Variants in UNC13A observed in about 807,000 individuals in gnomAD.
UNC13A encodes protein unc-13 homolog A.
In UNC13A, 61 loss-of-function variants were observed where a neutral mutation model predicts 219.7. That is an observed-to-expected ratio of 0.28 (90% CI 0.23 to 0.34). The LOEUF (loss-of-function observed/expected upper bound fraction) is 0.34, where lower values mean the gene tolerates loss of function less well. Ranked by LOEUF, UNC13A falls within the 10% of genes least tolerant of loss-of-function variation. The pLI is 1.00. For missense variants in UNC13A, 1,476 were observed against 2,270.3 expected (o/e 0.65, Z 7.11); for synonymous variants, 920 against 884.6 (o/e 1.04, Z -0.71).
At chr19:17,634,994 C>A (rs1339868964) in intron 26 of UNC13A, among the ~76,000 whole-genome samples, 1 of 152,140 alleles carries the variant, frequency 6.6e-6, no homozygotes, top group African/African-American at 2.4e-5. Flanking sequence ...CCTCAGCCTC[C>A]CGAGTAGCTG....
In UNC13A at chr19:17,655,926, C is replaced by T. The variant is rs1773348261; in HGVS notation, c.1240G>A (p.Ala414Thr). ...GGCTCAGCCTCAGGGATCTGCTCAG[C>T]TGCAGGCACCTTGTCGGGCGTGGCT... ...KPATPDKVPA[A>T]EQIPEAEPPK... is the part of the protein sequence containing the mutation. The change falls in exon 10 of 44, where the codon GCT becomes ACT. Residue 414 changes from alanine (A) to threonine (T), a missense_variant. Coordinates refer to ENST00000519716, the MANE Select transcript of UNC13A (RefSeq NM_001080421.3). The T allele has an allele frequency of 6.5e-7, 1 of 1,538,886 alleles. No individual in the cohort carries two copies. Among genetic ancestry groups the T allele is most frequent in the South Asian group, 1.3e-5 (1 of 78,570 alleles).
chr19:17,631,929 G>C (rs12984398), intron 28 of UNC13A, among the ~76,000 whole-genome samples: 3,295 of 152,038 alleles, frequency 0.022, 58 homozygotes, highest in Middle Eastern at 0.055. Flanking sequence ...CTTTGTTTTT[G>C]AGACGGAGTC....
intron 19 of UNC13A, among the ~76,000 whole-genome samples, chr19:17,643,548 A>C (rs908423242): frequency 1.2e-4 from 18 of 152,034 alleles, no homozygotes; most frequent in Non-Finnish European, 2.5e-4. Context: ...CGAACTCCTG[A>C]CCTCAGGTGA....
At chr19:17,628,257 A>C in intron 31 of UNC13A, 1 of 402,920 alleles carries the variant, frequency 2.5e-6, no homozygotes, top group Non-Finnish European at 4.6e-6. Context: ...AAAGCTTTGC[A>C]GCTCACACCC....
chr19:17,630,659 C>G lies in UNC13A; in HGVS notation c.3520G>C (p.Asp1174His). Residue 1174 changes from aspartate to histidine, a missense_variant, in exon 29 of 44, where the codon GAT (aspartate) becomes CAT (histidine). Asp to His is a moderately conservative substitution (Grantham distance 81). Around this residue, in one of 14 missense-constraint regions of UNC13A, gnomAD observed 218 missense variants for 409.4 expected, o/e 0.53. Coordinates refer to ENST00000519716, the MANE Select transcript of UNC13A (RefSeq NM_001080421.3). ...TTGTGGGTGGGCCTTCTTACCCCAT[C>G]CTTCTTGTCTCGCTCCAGGGCACCG... ...LHGALERDKK[D>H]GFQQTSEHAL... 6.2e-7 allele frequency: 1 copy of G among 1,613,970 alleles called. No individual in the cohort carries two copies. Among genetic ancestry groups the G allele is most frequent in the Non-Finnish European group, 8.5e-7 (1 of 1,179,878 alleles).
rs1202590603 is a variant in UNC13A, at chr19:17,645,783, G to A, written c.2247C>T (p.Ile749=). The part of the protein sequence containing the change: ...KVRVWDEDDD[I]KSRVKQRFKR... ...TGAACCTCTGTTTCACGCGGGATTTGATGTCGTCATCCTCGTCCCAGACGC... is the reference window on the plus strand; with the variant it reads ...TGAACCTCTGTTTCACGCGGGATTTAATGTCGTCATCCTCGTCCCAGACGC... The change falls in exon 19 of 44, where the codon ATC becomes ATT. Residue 749 remains isoleucine, a synonymous_variant. Transcript: ENST00000519716. The A allele has an allele frequency of 1.9e-6, 3 of 1,614,000 alleles. No individual in the cohort carries two copies. The highest frequency in any genetic ancestry group is 2.5e-6 in the Non-Finnish European group (3 of 1,179,922).
At chr19:17,648,333 G>GGCCCC in intron 16 of UNC13A, 98 bp downstream of exon 16, 1 of 913,014 alleles carries the variant, frequency 1.1e-6, no homozygotes, top group Non-Finnish European at 1.5e-6. Flanking sequence ...GCCCCATGGT[G>GGCCCC]CCCCACCCAT....
intron 25 of UNC13A, among the ~76,000 whole-genome samples, chr19:17,637,458 C>T (rs1405345604): frequency 2.0e-5 from 3 of 151,964 alleles, no homozygotes; most frequent in Admixed American, 1.3e-4. Flanking sequence ...CCACCACGCC[C>T]GGCTAATTTT....
At chr19:17,614,441 A>G (rs1474728848) in intron 41 of UNC13A, 1 of 152,232 alleles carries the variant, frequency 6.6e-6, no homozygotes, top group Admixed American at 6.5e-5. Context: ...GGGCAGCTTA[A>G]AAGAATCTCT....
chr19:17,606,351 C>A lies in UNC13A; in HGVS notation c.4815G>T (p.Thr1605=). The A allele has an allele frequency of 1.3e-6, 2 of 1,543,760 alleles. No homozygotes were observed. Among genetic ancestry groups the A allele is most frequent in the Non-Finnish European group, 8.7e-7 (1 of 1,146,892 alleles). The part of the protein sequence containing the change: ...APKYNESFQF[T]LSADAGPECY... Reference sequence around the variant, plus strand: ...ACTCGGGACCCGCGTCGGCGCTCAGCGTGCTGCGTGGGGAGGGGCGGAACG... The same window carrying A: ...ACTCGGGACCCGCGTCGGCGCTCAGAGTGCTGCGTGGGGAGGGGCGGAACG... Residue 1605 remains threonine (T), a synonymous_variant, in exon 44 of 44, where the codon ACG becomes ACT. Transcript: ENST00000519716.
At chr19:17,663,462 G>A in intron 8 of UNC13A, 70 bp downstream of exon 8, 1 of 1,551,518 alleles carries the variant, frequency 6.4e-7, no homozygotes, top group Non-Finnish European at 8.8e-7. Flanking sequence ...AGTGGGGAGG[G>A]GCCTTGGGAT....
At chr19:17,636,878 GAAC>G (rs2076917539) in intron 25 of UNC13A, among the ~76,000 whole-genome samples, 2 of 152,064 alleles carry the variant, frequency 1.3e-5, no homozygotes, top group South Asian at 2.1e-4. Context: ...ACCCAGTTGA[GAAC>G]AACTTGACTT....
At chr19:17,669,701 T>C in intron 4 of UNC13A, 25 bp from the exon 5 acceptor site, 1 of 1,593,636 alleles carries the variant, frequency 6.3e-7, no homozygotes, top group Non-Finnish European at 8.5e-7. Flanking sequence ...AGGAGGTGTG[T>C]GGGTCAGGAA....
chr19:17,652,578 C>G, intron 12 of UNC13A, 53 bp downstream of exon 12: 1 of 1,612,668 alleles, frequency 6.2e-7, no homozygotes. Flanking sequence ...GCAAACCAGC[C>G]TTGGACTTGG....
intron 34 of UNC13A, among the ~76,000 whole-genome samples, chr19:17,625,718 A>G (rs2076775195): frequency 6.6e-6 from 1 of 151,438 alleles, no homozygotes. Context: ...CGACCCACTC[A>G]TCCACCCACC....
intron 8 of UNC13A, among the ~76,000 whole-genome samples, chr19:17,663,298 C>G (rs533203364): frequency 6.6e-6 from 1 of 151,140 alleles, no homozygotes; most frequent in African/African-American, 2.4e-5. Context: ...TAACCCCCCC[C>G]ACCCCACCCC....
chr19:17,654,601 A>G (rs757539239), intron 11 of UNC13A, among the ~76,000 whole-genome samples: 2 of 152,170 alleles, frequency 1.3e-5, no homozygotes, highest in African/African-American at 2.4e-5. Flanking sequence ...GAATAAACGA[A>G]TGGCCTCAAC....
At chr19:17,681,983 C>T (rs779946931) in intron 1 of UNC13A, among the ~76,000 whole-genome samples, 3 of 145,878 alleles carry the variant, frequency 2.1e-5, no homozygotes, top group African/African-American at 5.0e-5. Flanking sequence ...GACGGAGTCT[C>T]ACTCTGTAGC....
In UNC13A at chr19:17,631,191, C is replaced by CT. The variant is rs71162162; in HGVS notation, c.3429-442_3429-441insA. ...CCTCCCTCCCTCCTTTCCTTCCTTC[C>CT]CTCCCTCCCTCCCTTCCTTCCTTCC... is the stretch of plus-strand genomic sequence containing the variant. On this transcript the variant is annotated intron_variant, in intron 28 of 43. Coordinates refer to ENST00000519716, the MANE Select transcript of UNC13A (RefSeq NM_001080421.3). Among the ~76,000 whole-genome samples the CT allele has an allele frequency of 7.3e-4, 13 of 17,740 alleles. 2 individuals carry two copies. Among genetic ancestry groups the CT allele is most frequent in the East Asian group, 1.8e-3 (2 of 1,098 alleles). 11.6% of individuals were successfully genotyped at this position (17,740 alleles called of 152,430 possible). A position where few individuals can be genotyped will look rare whatever the true frequency, so the allele number is the denominator to read the frequency against.
Sources: allele counts gnomAD v4.1 joint callset (sites outside exome capture counted in the v4.1 genomes callset), GRCh38; gene constraint gnomAD v4.1.1; regional missense constraint gnomAD v4.1.1; transcripts MANE v1.5; gene names NCBI Gene and HGNC (gene_info 2026-07-23, HGNC 2026-07-21).